FHIT: variants seen among roughly 807,000 people sequenced by gnomAD.
The protein encoded by FHIT is fragile histidine triad diadenosine triphosphatase.
A neutral mutation model predicts 17.9 loss-of-function variants in FHIT; 19 were observed. The ratio of observed to expected loss-of-function variants is 1.06; its 90% CI spans 0.74 to 1.56. The LOEUF (loss-of-function observed/expected upper bound fraction) is 1.56, where lower values mean the gene tolerates loss of function less well. Ranked by LOEUF, FHIT falls within the 40% of genes most tolerant of loss-of-function variation. The pLI, the probability that FHIT is intolerant of heterozygous loss-of-function variation, is 0.00. For missense variants in FHIT, 248 were observed against 189.2 expected, an observed-to-expected ratio of 1.31 and a Z score of -1.82; for synonymous variants, 81 against 69.7, an observed-to-expected ratio of 1.16 and a Z score of -0.81.
chr3:60,640,368 T>C (rs568361004), intron 4 of FHIT, among the ~76,000 whole-genome samples: 23 of 152,174 alleles, frequency 1.5e-4, no homozygotes, highest in South Asian at 6.2e-4. Flanking sequence ...TATTATTCTA[T>C]TGAAGTTTAA....
intron 4 of FHIT, among the ~76,000 whole-genome samples, chr3:60,686,009 G>A (rs2040855363): frequency 6.6e-6 from 1 of 152,012 alleles, no homozygotes; most frequent in South Asian, 2.1e-4. Context: ...TTGGTCTGCT[G>A]GCAATAAATA....
chr3:59,984,285 G>A (rs1319221609), intron 7 of FHIT, among the ~76,000 whole-genome samples: 1 of 152,046 alleles, frequency 6.6e-6, no homozygotes, highest in African/African-American at 2.4e-5. Flanking sequence ...ATGGGCCCAG[G>A]AAGCACCATT....
intron 4 of FHIT, among the ~76,000 whole-genome samples, chr3:60,595,038 A>T (rs1347002680): frequency 5.9e-5 from 9 of 152,066 alleles, no homozygotes; most frequent in African/African-American, 2.2e-4. Context: ...CAGCACAGAA[A>T]CAGTCCCAAG....
At chr3:60,086,501 G>T (rs1008944452) in intron 5 of FHIT, among the ~76,000 whole-genome samples, 1 of 152,104 alleles carries the variant, frequency 6.6e-6, no homozygotes, top group African/African-American at 2.4e-5. Flanking sequence ...GTGACCCAAG[G>T]TAATTTCTTT....
At chr3:60,402,514 T>G (rs1701702784) in intron 5 of FHIT, among the ~76,000 whole-genome samples, 1 of 152,212 alleles carries the variant, frequency 6.6e-6, no homozygotes, top group Non-Finnish European at 1.5e-5. Context: ...AAAAACTGCT[T>G]ATTTCTATAT....
intron 5 of FHIT, among the ~76,000 whole-genome samples, chr3:60,252,490 G>A (rs9838705): frequency 2.4e-3 from 371 of 152,204 alleles, no homozygotes; most frequent in African/African-American, 8.7e-3. Flanking sequence ...TTGAGCATAG[G>A]GGGGTCAAGG....
In FHIT at chr3:59,748,442, C is replaced by G. The variant is rs1291113310; in HGVS notation, c.*1143G>C. Reference sequence around the variant, plus strand: ...GATCTGAGAATCTTGCAAGTAGAACCAAGTTGGTTGGGGAAATCCAGGCCC... The same window carrying G: ...GATCTGAGAATCTTGCAAGTAGAACGAAGTTGGTTGGGGAAATCCAGGCCC... On this transcript the variant is annotated 3_prime_UTR_variant, in exon 10 of 10. Coordinates refer to ENST00000492590, the MANE Select transcript of FHIT (RefSeq NM_002012.4). Among the ~76,000 whole-genome samples, 1 of 151,964 alleles carries G rather than the reference C, an allele frequency of 6.6e-6. No homozygotes were observed. Among genetic ancestry groups the G allele is most frequent in the African/African-American group, 2.4e-5 (1 of 41,372 alleles).
At chr3:61,079,420 T>C (rs2035065863) in intron 2 of FHIT, among the ~76,000 whole-genome samples, 1 of 150,820 alleles carries the variant, frequency 6.6e-6, no homozygotes, top group African/African-American at 2.5e-5. Context: ...TGCCATAATA[T>C]GGAATATAAA....
intron 4 of FHIT, among the ~76,000 whole-genome samples, chr3:60,677,113 T>C (rs146994206): frequency 2.0e-4 from 31 of 152,164 alleles, no homozygotes; most frequent in Admixed American, 5.9e-4. Flanking sequence ...CTGGGCTCAA[T>C]TGATCTGCCC....
intron 5 of FHIT, among the ~76,000 whole-genome samples, chr3:60,213,565 C>T (rs1225843199): frequency 6.6e-6 from 1 of 152,186 alleles, no homozygotes; most frequent in African/African-American, 2.4e-5. Context: ...TGAATCCCAA[C>T]AACAGATTTT....
intron 5 of FHIT, among the ~76,000 whole-genome samples, chr3:60,130,762 G>GTT (rs769066387): frequency 0.53 from 21,547 of 40,596 alleles, 1,929 homozygotes; most frequent in Non-Finnish European, 0.54. Context: ...GTGTGTGTGT[G>GTT]TGTTTGTGTG....
At chr3:60,056,181 C>A (rs1403358785) in intron 5 of FHIT, among the ~76,000 whole-genome samples, 3 of 152,160 alleles carry the variant, frequency 2.0e-5, no homozygotes, top group South Asian at 4.1e-4. Flanking sequence ...TACAATATTT[C>A]TGCCTTATTT....
At chr3:61,109,979 C>T (rs2036106753) in intron 2 of FHIT, among the ~76,000 whole-genome samples, 1 of 152,258 alleles carries the variant, frequency 6.6e-6, no homozygotes, top group African/African-American at 2.4e-5. Flanking sequence ...AATCAAGCCA[C>T]CACCAAGTCT....
intron 5 of FHIT, among the ~76,000 whole-genome samples, chr3:60,076,409 T>C (rs1703008922): frequency 6.6e-6 from 1 of 152,098 alleles, no homozygotes; most frequent in East Asian, 1.9e-4. Context: ...ATAAAATTAT[T>C]CATATTGTCT....
chr3:60,643,398 AC>A (rs1255374254), intron 4 of FHIT, among the ~76,000 whole-genome samples: 3 of 152,184 alleles, frequency 2.0e-5, no homozygotes, highest in Non-Finnish European at 2.9e-5. Context: ...ACTAGAAAAA[AC>A]AATCCTAAAA....
intron 7 of FHIT, among the ~76,000 whole-genome samples, chr3:59,923,101 T>C (rs1367499297): frequency 6.6e-6 from 1 of 151,244 alleles, no homozygotes; most frequent in African/African-American, 2.4e-5. Flanking sequence ...CTACTAAAAC[T>C]ACAAAAACAA....
At chr3:59,843,864 T>G (rs1381721788) in intron 8 of FHIT, among the ~76,000 whole-genome samples, 2 of 152,126 alleles carry the variant, frequency 1.3e-5, no homozygotes, top group Non-Finnish European at 2.9e-5. Context: ...AAATCTGATG[T>G]TGAAATGCAA....
At chr3:60,524,326 G>A (rs1213425855) in intron 5 of FHIT, among the ~76,000 whole-genome samples, 2 of 151,872 alleles carry the variant, frequency 1.3e-5, no homozygotes, top group Non-Finnish European at 2.9e-5. Context: ...TAAGATAATG[G>A]GAAAGACTAT....
intron 3 of FHIT, among the ~76,000 whole-genome samples, chr3:60,919,718 G>A (rs893635444): frequency 2.0e-5 from 3 of 152,046 alleles, no homozygotes; most frequent in East Asian, 1.9e-4. Context: ...GTCTAATCAC[G>A]AGCTGTATAT....
Sources: allele counts gnomAD v4.1 joint callset (sites outside exome capture counted in the v4.1 genomes callset), GRCh38; gene constraint gnomAD v4.1.1; transcripts MANE v1.5; gene names NCBI Gene and HGNC (gene_info 2026-07-23, HGNC 2026-07-21).